Variants in NRXN3 observed in about 807,000 individuals in gnomAD.
NRXN3 encodes the protein neurexin III.
A neutral mutation model predicts 137.6 loss-of-function variants in NRXN3; 32 were observed. The observed-to-expected ratio is 0.23, with a 90% CI of 0.18 to 0.31. NRXN3 has a LOEUF of 0.31. Ranked by LOEUF, NRXN3 falls within the 10% of genes least tolerant of loss-of-function variation. The pLI, the probability that NRXN3 is intolerant of heterozygous loss-of-function variation, is 1.00. For missense variants in NRXN3, 1,574 were observed against 2,062.5 expected (o/e 0.76, Z 4.59); for synonymous variants, 798 against 784.5 (o/e 1.02, Z -0.29).
chr14:78,358,650 C>T (rs917951832), intron 4 of NRXN3, among the ~76,000 whole-genome samples: 1 of 152,312 alleles, frequency 6.6e-6, no homozygotes, highest in East Asian at 1.9e-4. Flanking sequence ...TGGGTAGCTA[C>T]GCATCCAGCT....
chr14:78,216,658 T>C (rs1477757070), intron 1 of NRXN3, among the ~76,000 whole-genome samples: 1 of 152,244 alleles, frequency 6.6e-6, no homozygotes, highest in Non-Finnish European at 1.5e-5. Context: ...TATGCATTAG[T>C]TTCCTGGGAC....
At chr14:78,657,557 A>G (rs2097794726) in intron 6 of NRXN3, among the ~76,000 whole-genome samples, 1 of 152,192 alleles carries the variant, frequency 6.6e-6, no homozygotes, top group Admixed American at 6.5e-5. Context: ...ATTTAAAGGA[A>G]AAAGGATTGG....
chr14:79,062,158 G>A (rs1184211414), intron 15 of NRXN3, among the ~76,000 whole-genome samples: 2 of 152,108 alleles, frequency 1.3e-5, no homozygotes, highest in African/African-American at 2.4e-5. Context: ...CAAAAACAAG[G>A]CAGGCTTTTG....
At chr14:78,643,186 G>A (rs1395864666) in intron 4 of NRXN3, among the ~76,000 whole-genome samples, 4 of 152,144 alleles carry the variant, frequency 2.6e-5, no homozygotes, top group Non-Finnish European at 5.9e-5. Context: ...ACTTTATGAT[G>A]AAAAAATATT....
At chr14:79,209,477 A>G (rs1170682236) in intron 15 of NRXN3, among the ~76,000 whole-genome samples, 1 of 152,164 alleles carries the variant, frequency 6.6e-6, no homozygotes, top group Non-Finnish European at 1.5e-5. Flanking sequence ...TAAAGTTTCT[A>G]CTATGTGAGA....
At chr14:79,451,171 G>GAA (rs563541996) in intron 15 of NRXN3, among the ~76,000 whole-genome samples, 5 of 86,096 alleles carry the variant, frequency 5.8e-5, no homozygotes, top group Admixed American at 2.5e-4. Context: ...GGAGGGAACA[G>GAA]AAAAAAAAAA....
At chr14:78,506,742 A>G (rs1053990934) in intron 4 of NRXN3, among the ~76,000 whole-genome samples, 1 of 146,662 alleles carries the variant, frequency 6.8e-6, no homozygotes, top group Non-Finnish European at 1.5e-5. Context: ...CAATCATAGC[A>G]TGCTACAGCC....
intron 16 of NRXN3, among the ~76,000 whole-genome samples, chr14:79,592,662 A>G (rs1302165317): frequency 6.6e-6 from 1 of 152,172 alleles, no homozygotes; most frequent in Non-Finnish European, 1.5e-5. Context: ...ATCACTTACT[A>G]AAATGATTTT....
intron 15 of NRXN3, among the ~76,000 whole-genome samples, chr14:79,044,271 G>A (rs1047521910): frequency 6.6e-6 from 1 of 152,182 alleles, no homozygotes; most frequent in Non-Finnish European, 1.5e-5. Flanking sequence ...AAAATAGAAA[G>A]TTGAGGGAGG....
chr14:78,690,191 T>A (rs920156394), intron 6 of NRXN3, among the ~76,000 whole-genome samples: 13 of 152,178 alleles, frequency 8.5e-5, no homozygotes, highest in African/African-American at 2.9e-4. Context: ...ACTCCAATGA[T>A]CCCTCCTATT....
At chr14:78,301,350 C>T (rs1046891406) in intron 4 of NRXN3, among the ~76,000 whole-genome samples, 4 of 152,106 alleles carry the variant, frequency 2.6e-5, no homozygotes, top group African/African-American at 9.7e-5. Flanking sequence ...ACTTACAAAG[C>T]CAGCCTTTTG....
intron 15 of NRXN3, among the ~76,000 whole-genome samples, chr14:79,030,049 CTT>C (rs779570219): frequency 5.3e-4 from 68 of 128,028 alleles, no homozygotes; most frequent in African/African-American, 1.8e-3. Context: ...TTCTTTCTTT[CTT>C]TTTTTTTTTT....
At chr14:79,710,765 T>TAAAC (rs1257503474) in intron 19 of NRXN3, among the ~76,000 whole-genome samples, 3 of 152,100 alleles carry the variant, frequency 2.0e-5, no homozygotes, top group Non-Finnish European at 4.4e-5. Flanking sequence ...ACAACATCAG[T>TAAAC]AAACAGACAA....
intron 4 of NRXN3, among the ~76,000 whole-genome samples, chr14:78,621,596 A>G (rs903555092): frequency 6.6e-6 from 1 of 152,238 alleles, no homozygotes; most frequent in Non-Finnish European, 1.5e-5. Context: ...CATTTCCCTC[A>G]GAAAGCATTT....
chr14:78,287,380 G>A (rs1474874559), intron 3 of NRXN3, among the ~76,000 whole-genome samples: 4 of 152,166 alleles, frequency 2.6e-5, no homozygotes, highest in African/African-American at 7.2e-5. Context: ...CACTTGAAGG[G>A]CAGCAGTGTC....
chr14:78,285,156 C>T (rs952775115), intron 3 of NRXN3, among the ~76,000 whole-genome samples: 1 of 152,140 alleles, frequency 6.6e-6, no homozygotes, highest in Admixed American at 6.5e-5. Context: ...TATGCTTAGA[C>T]CATCTGACTG....
At chr14:79,440,682 TA>T (rs2095922812) in intron 15 of NRXN3, among the ~76,000 whole-genome samples, 2 of 152,160 alleles carry the variant, frequency 1.3e-5, no homozygotes, top group Admixed American at 6.5e-5. Flanking sequence ...GTCATTGTAA[TA>T]GGGGAAGAGT....
rs1352129171 is a variant in NRXN3, at chr14:79,393,495, AC to A, written c.3263-73725del. 3.3e-5 allele frequency among the ~76,000 whole-genome samples: 5 copies of A among 152,336 alleles called. No homozygotes were observed. In the East Asian group the frequency reaches 7.7e-4, roughly 23 times the overall value. ...TTTAAAAAGCCTGTTACAAAGAAGA[AC>A]AAATTTAATAGACTATTAAGAGGTA... On this transcript the variant is annotated intron_variant, in intron 15 of 20. Transcript: ENST00000335750.
At chr14:79,042,759 C>T (rs985356088) in intron 15 of NRXN3, among the ~76,000 whole-genome samples, 3 of 152,136 alleles carry the variant, frequency 2.0e-5, no homozygotes, top group African/African-American at 7.2e-5. Flanking sequence ...GAGTAGCTAA[C>T]ACTGCTCACT....
Sources: gnomAD v4.1 joint callset for allele counts (sites outside exome capture counted in the v4.1 genomes callset) on GRCh38, gnomAD v4.1.1 for gene constraint, MANE v1.5 for transcripts, NCBI Gene and HGNC (gene_info 2026-07-23, HGNC 2026-07-21) for gene names.